DIP2C: variants seen among roughly 807,000 people sequenced by gnomAD.
The protein encoded by DIP2C is DIP2 acetate--CoA ligase C (putative), also known as disco-interacting protein 2 homolog C.
In DIP2C, 33 loss-of-function variants were observed where a neutral mutation model predicts 192.4. The observed-to-expected ratio is 0.17, with a 90% confidence interval of 0.13 to 0.23. The LOEUF is 0.23. Among genes scored for constraint, DIP2C ranks in the 10% least tolerant of loss-of-function variants. The pLI is 1.00. For synonymous variants in DIP2C, 979 were observed against 864.1 expected, an observed-to-expected ratio of 1.13 and a Z score of -2.33; for missense variants, 1,537 against 2,110.1, an observed-to-expected ratio of 0.73 and a Z score of 5.32.
At position 467,011 on chromosome 10, in the gene DIP2C, G is replaced by C. The variant is rs1172140240; in HGVS notation, c.268+5428C>G. Among the ~76,000 whole-genome samples, 11 of 150,958 alleles carry C rather than the reference G, an allele frequency of 7.3e-5. No individual in the cohort carries two copies. In the Admixed American group the frequency reaches 7.3e-4, roughly 10 times the overall value. ...GGATCTAGAACTAGAAATACCATTTGACCCAGCCATCCCATTACTGGGTAT... is the reference window on the plus strand; with the variant it reads ...GGATCTAGAACTAGAAATACCATTTCACCCAGCCATCCCATTACTGGGTAT... On this transcript the variant is annotated intron_variant, in intron 3 of 36. Transcript: ENST00000280886.
chr10:545,166 C>CCTTTTTTTTTTTTTTTTTTTTTTTTTT (rs1554896881), intron 1 of DIP2C, among the ~76,000 whole-genome samples: 3 of 86,336 alleles, frequency 3.5e-5, no homozygotes, highest in African/African-American at 1.1e-4. Context: ...GGTGTTTTCC[C>CCTTTTTTTTTTTTTTTTTTTTTTTTTT]TTTTTTTTTT....
At chr10:629,959 G>A (rs1445994222) in intron 1 of DIP2C, 1 of 152,250 alleles carries the variant, frequency 6.6e-6, no homozygotes, top group African/African-American at 2.4e-5. Context: ...GACGAACTTG[G>A]CTCCCCACGA....
chr10:367,208 G>C (rs540671861), intron 18 of DIP2C, among the ~76,000 whole-genome samples: 3 of 152,208 alleles, frequency 2.0e-5, no homozygotes, highest in African/African-American at 7.2e-5. Flanking sequence ...ACAAGGTCAG[G>C]AGATCGAGAC....
intron 1 of DIP2C, among the ~76,000 whole-genome samples, chr10:644,225 G>A (rs931877771): frequency 2.6e-5 from 4 of 152,230 alleles, no homozygotes; most frequent in African/African-American, 9.6e-5. Context: ...ACCAAGGCAG[G>A]TGGCCGGGCC....
chr10:409,190 A>G (rs965143986), intron 8 of DIP2C, among the ~76,000 whole-genome samples, 173 bp from the exon 9 acceptor site: 1 of 152,180 alleles, frequency 6.6e-6, no homozygotes, highest in Admixed American at 6.5e-5. Context: ...AGAATGGAAA[A>G]TGAGTGAAAG....
chr10:623,403 G>C (rs980194559), intron 1 of DIP2C, among the ~76,000 whole-genome samples: 13 of 151,138 alleles, frequency 8.6e-5, no homozygotes, highest in Non-Finnish European at 1.9e-4. Context: ...GCCGCACTTA[G>C]GTTTTCATGA....
At chr10:495,099 T>C (rs889363544) in intron 1 of DIP2C, among the ~76,000 whole-genome samples, 9 of 152,144 alleles carry the variant, frequency 5.9e-5, no homozygotes, top group Admixed American at 4.6e-4. Context: ...CTGGAAGATA[T>C]TACGCTAAGT....
intron 1 of DIP2C, among the ~76,000 whole-genome samples, chr10:490,496 G>A (rs1334849650): frequency 6.6e-6 from 1 of 152,162 alleles, no homozygotes; most frequent in Non-Finnish European, 1.5e-5. Context: ...TATTTCGAAA[G>A]TCAACTCCCG....
chr10:686,265 C>G (rs2097841432), intron 1 of DIP2C, among the ~76,000 whole-genome samples: 1 of 151,968 alleles, frequency 6.6e-6, no homozygotes, highest in Non-Finnish European at 1.5e-5. Flanking sequence ...GCCTCCTCAC[C>G]TGCAGGGCCT....
At position 303,626 on chromosome 10, in the gene DIP2C, C is replaced by T. The variant is rs371842632; in HGVS notation, c.3986+6405G>A. On this transcript the variant is annotated intron_variant, in intron 32 of 36. Transcript: ENST00000280886. ...ACAACCTCTGCTTCCCAGGTTCAAG[C>T]GATTCTCCTGCCTCAGCCTCCCTAG... Among the ~76,000 whole-genome samples, 36 of 152,032 alleles carry T rather than the reference C, an allele frequency of 2.4e-4. No homozygotes were observed. In the East Asian group the frequency reaches 3.3e-3, roughly 14 times the overall value.
At chr10:401,333 T>C (rs570361125) in intron 9 of DIP2C, among the ~76,000 whole-genome samples, 1 of 152,038 alleles carries the variant, frequency 6.6e-6, no homozygotes, top group Non-Finnish European at 1.5e-5. Context: ...AGCACATGAA[T>C]CCTATGATTT....
At chr10:343,543 G>A (rs149264984) in intron 28 of DIP2C, among the ~76,000 whole-genome samples, 231 of 152,348 alleles carry the variant, frequency 1.5e-3, no homozygotes, top group African/African-American at 5.2e-3. Context: ...ACAGGGGAAC[G>A]TAGAATTATT....
chr10:447,844 G>A (rs1294840437), intron 3 of DIP2C, among the ~76,000 whole-genome samples: 1 of 122,462 alleles, frequency 8.2e-6, no homozygotes, highest in Non-Finnish European at 1.5e-5. Context: ...ATCACACACA[G>A]TGCGGCAGCA....
At chr10:341,701 T>C (rs561606120) in intron 28 of DIP2C, among the ~76,000 whole-genome samples, 2 of 152,212 alleles carry the variant, frequency 1.3e-5, no homozygotes, top group African/African-American at 4.8e-5. Flanking sequence ...AAGACATCTT[T>C]AAGACAATAA....
intron 4 of DIP2C, among the ~76,000 whole-genome samples, chr10:428,413 T>G (rs116526052): frequency 1.9e-3 from 285 of 152,302 alleles, no homozygotes; most frequent in African/African-American, 6.0e-3. Flanking sequence ...AAGGAGATTT[T>G]CACCGGATAT....
chr10:359,318 C>A (rs542153669), intron 22 of DIP2C, among the ~76,000 whole-genome samples: 1 of 152,184 alleles, frequency 6.6e-6, no homozygotes, highest in Non-Finnish European at 1.5e-5. Context: ...CTGCCAGAAA[C>A]GATTCCACTT....
intron 17 of DIP2C, among the ~76,000 whole-genome samples, chr10:376,734 T>C (rs1961645030): frequency 1.3e-5 from 2 of 152,098 alleles, no homozygotes; most frequent in Non-Finnish European, 2.9e-5. Context: ...GGGCCACTCT[T>C]TTTCACAGCA....
At chr10:604,281 TTCC>T (rs984007641) in intron 1 of DIP2C, among the ~76,000 whole-genome samples, 14 of 152,322 alleles carry the variant, frequency 9.2e-5, no homozygotes, top group African/African-American at 2.4e-4. Context: ...TGGCATTGTT[TTCC>T]TCCTAATGAA....
intron 1 of DIP2C, among the ~76,000 whole-genome samples, chr10:604,740 G>A (rs1264303858): frequency 1.3e-5 from 2 of 152,156 alleles, no homozygotes; most frequent in South Asian, 2.1e-4. Flanking sequence ...AACTAAATGG[G>A]TATATTAAAG....
Sources: allele counts gnomAD v4.1 joint callset (sites outside exome capture counted in the v4.1 genomes callset), GRCh38; gene constraint gnomAD v4.1.1; transcripts MANE v1.5; gene names NCBI Gene and HGNC (gene_info 2026-07-23, HGNC 2026-07-21).